SYNE2: variants seen among roughly 807,000 people sequenced by gnomAD.
The protein encoded by SYNE2 is spectrin repeat containing nuclear envelope protein 2.
A neutral mutation model predicts 856.3 loss-of-function variants in SYNE2; 431 were observed. That is an observed-to-expected ratio of 0.50 (90% CI 0.47 to 0.55). SYNE2 has a LOEUF of 0.55. SYNE2 is among the 20% of genes least tolerant of loss of function. SYNE2 has a pLI of 0.00. For synonymous variants in SYNE2, 2,923 were observed against 2,872.3 expected (o/e 1.02, Z -0.56); for missense variants, 8,129 against 8,023.2 (o/e 1.01, Z -0.50).
In SYNE2 at chr14:63,983,801, T is replaced by C; in HGVS notation, c.2066T>C (p.Ile689Thr). ...DQPTFDNSGNILSKEEKATVE... is the reference protein window; with the variant it reads ...DQPTFDNSGNTLSKEEKATVE... ...CCCACTTTTGACAATTCTGGAAATATTCTATCTAAAGAAGAGAAAGCAACT... is the reference window on the plus strand; with the variant it reads ...CCCACTTTTGACAATTCTGGAAATACTCTATCTAAAGAAGAGAAAGCAACT... Residue 689 changes from isoleucine to threonine, a missense_variant, in exon 18 of 116, where the codon ATT becomes ACT. Physicochemically the swap from Ile to Thr is moderately conservative, Grantham distance 89. Coordinates refer to ENST00000555002, the MANE Select transcript of SYNE2 (RefSeq NM_182914.3). 6.2e-7 allele frequency: 1 copy of C among 1,612,258 alleles called. No individual in the cohort carries two copies. The highest frequency in any genetic ancestry group is 1.1e-5 in the South Asian group (1 of 90,978).
At chr14:63,803,263 C>T (rs983798582) in intron 1 of SYNE2, among the ~76,000 whole-genome samples, 2 of 152,228 alleles carry the variant, frequency 1.3e-5, no homozygotes, top group African/African-American at 2.4e-5. Context: ...GCGGTGCGCT[C>T]GCACTCCTCA....
At chr14:64,150,819 G>A (rs576329578) in intron 84 of SYNE2, among the ~76,000 whole-genome samples, 60 of 152,208 alleles carry the variant, frequency 3.9e-4, no homozygotes, top group Non-Finnish European at 5.0e-4. Flanking sequence ...AAGGCTGTCA[G>A]GGTGTGAGGG....
intron 79 of SYNE2, among the ~76,000 whole-genome samples, chr14:64,138,198 G>C: frequency 6.7e-6 from 1 of 149,394 alleles, no homozygotes; most frequent in South Asian, 2.1e-4. Context: ...TGCTGTGATC[G>C]TTTTTTCTTT....
intron 85 of SYNE2, among the ~76,000 whole-genome samples, chr14:64,157,349 G>A (rs1223769718): frequency 2.0e-5 from 3 of 152,258 alleles, no homozygotes; most frequent in African/African-American, 7.2e-5. Flanking sequence ...ATGCTATATA[G>A]CCTTTTGGGT....
At position 64,226,202 on chromosome 14, in the gene SYNE2, T is replaced by TAG. The variant is rs2098717585; in HGVS notation, c.*676_*677insAG. On this transcript the variant is annotated 3_prime_UTR_variant, in exon 116 of 116. Coordinates refer to ENST00000555002, the MANE Select transcript of SYNE2 (RefSeq NM_182914.3). ...CGATTTTTTTTTAAAAAAATTAGAT[T>TAG]TTAGCTGGAGCTTTTGACTAATGTA... 2.0e-5 allele frequency: 3 copies of TAG among 152,880 alleles called. No homozygotes were observed. The highest frequency in any genetic ancestry group is 4.1e-4 in the South Asian group (2 of 4,832). 9.5% of individuals were successfully genotyped at this position (152,880 alleles called of 1,614,324 possible). A position where few individuals can be genotyped will look rare whatever the true frequency, so the allele number is the denominator to read the frequency against.
chr14:63,875,547 G>A (rs1166081765), intron 1 of SYNE2, among the ~76,000 whole-genome samples: 4 of 152,018 alleles, frequency 2.6e-5, no homozygotes, highest in South Asian at 2.1e-4. Context: ...GGACTAGCAC[G>A]CCCATGCTGT....
intron 45 of SYNE2, among the ~76,000 whole-genome samples, chr14:64,036,312 GGTCTCACTCT>G (rs1168227507): frequency 1.3e-5 from 2 of 151,740 alleles, no homozygotes; most frequent in Non-Finnish European, 2.9e-5. Flanking sequence ...TTGGAGAAAG[GGTCTCACTCT>G]GTCACCCAGG....
chr14:63,906,191 C>CGGGA (rs2095407526), intron 1 of SYNE2, among the ~76,000 whole-genome samples: 1 of 152,066 alleles, frequency 6.6e-6, no homozygotes, highest in Non-Finnish European at 1.5e-5. Flanking sequence ...TTATGTGCTG[C>CGGGA]TGGATTCAGT....
chr14:63,964,143 TC>T (rs1245062883), intron 10 of SYNE2, 143 bp downstream of exon 10: 5 of 618,634 alleles, frequency 8.1e-6, no homozygotes, highest in Non-Finnish European at 1.4e-5. Context: ...GGACTGTACT[TC>T]CGAAACTTTA....
rs139513761 is a variant in SYNE2, at chr14:64,003,291, T to C, written c.4358T>C (p.Ile1453Thr). 1.2e-5 allele frequency: 20 copies of C among 1,614,094 alleles called. No individual in the cohort carries two copies. Among genetic ancestry groups the C allele is most frequent in the African/African-American group, 4.0e-5 (3 of 75,046 alleles). Reference protein sequence around the residue: ...IQDVQSQISKIGLKDPTVPAV... With the variant: ...IQDVQSQISKTGLKDPTVPAV... Reference sequence around the variant, plus strand: ...GATGTGCAGAGTCAAATCAGTAAAATTGGTCTTAAGGATCCTACTGTTCCA... The same window carrying C: ...GATGTGCAGAGTCAAATCAGTAAAACTGGTCTTAAGGATCCTACTGTTCCA... Residue 1453 changes from isoleucine (I) to threonine (T), a missense_variant, in exon 30 of 116, where the codon ATT becomes ACT. Around this residue, in one of 3 missense-constraint regions of SYNE2, gnomAD observed 2,422 missense variants for 2,357.4 expected, o/e 1.03. Coordinates refer to ENST00000555002, the MANE Select transcript of SYNE2 (RefSeq NM_182914.3).
intron 57 of SYNE2, chr14:64,084,884 G>A: frequency 1.4e-6 from 1 of 696,866 alleles, no homozygotes; most frequent in East Asian, 2.7e-5. Context: ...GGCTCGACTT[G>A]TGTGAGGGAG....
intron 2 of SYNE2, among the ~76,000 whole-genome samples, chr14:63,923,785 A>T (rs2095628340): frequency 6.6e-6 from 1 of 152,060 alleles, no homozygotes; most frequent in Admixed American, 6.6e-5. Flanking sequence ...TTGAGCAGTC[A>T]TCACATTGGA....
intron 60 of SYNE2, among the ~76,000 whole-genome samples, chr14:64,092,117 T>C (rs1223505751): frequency 6.6e-6 from 1 of 152,208 alleles, no homozygotes; most frequent in East Asian, 1.9e-4. Flanking sequence ...GAAAAAAATA[T>C]AAAATTTGAT....
chr14:63,918,675 C>T (rs771629364), intron 2 of SYNE2, among the ~76,000 whole-genome samples: 1 of 152,106 alleles, frequency 6.6e-6, no homozygotes, highest in Admixed American at 6.6e-5. Context: ...GCTGTCTTGT[C>T]GGGTGGAGCA....
intron 2 of SYNE2, among the ~76,000 whole-genome samples, chr14:63,936,608 C>T (rs1422998163): frequency 1.3e-5 from 2 of 152,060 alleles, no homozygotes; most frequent in Non-Finnish European, 2.9e-5. Flanking sequence ...TACAGGAGGC[C>T]AGAGTGGTTG....
chr14:64,077,089 G>A (rs1196407927), intron 54 of SYNE2, among the ~76,000 whole-genome samples: 2 of 151,948 alleles, frequency 1.3e-5, no homozygotes, highest in African/African-American at 4.8e-5. Context: ...AAAATCAGTC[G>A]TTCAAATTCA....
chr14:63,907,495 T>C (rs2095422254), intron 1 of SYNE2, among the ~76,000 whole-genome samples: 1 of 152,200 alleles, frequency 6.6e-6, no homozygotes, highest in African/African-American at 2.4e-5. Context: ...ACTCTTACCA[T>C]TGTTATAAAG....
At chr14:64,058,264 C>A (rs2097288958) in intron 49 of SYNE2, among the ~76,000 whole-genome samples, 1 of 152,080 alleles carries the variant, frequency 6.6e-6, no homozygotes, top group South Asian at 2.1e-4. Flanking sequence ...AGATTTAAAT[C>A]TTTAATCCAT....
intron 71 of SYNE2, among the ~76,000 whole-genome samples, chr14:64,125,616 A>C (rs1285120817): frequency 6.6e-6 from 1 of 152,174 alleles, no homozygotes; most frequent in Non-Finnish European, 1.5e-5. Flanking sequence ...GACAGGGCCC[A>C]AGTTGGAGTG....
Sources: gnomAD v4.1 joint callset for allele counts (sites outside exome capture counted in the v4.1 genomes callset) on GRCh38, gnomAD v4.1.1 for gene constraint, gnomAD v4.1.1 regional missense constraint, MANE v1.5 for transcripts, NCBI Gene and HGNC (gene_info 2026-07-23, HGNC 2026-07-21) for gene names.